Variants in NEB observed in about 807,000 individuals in gnomAD.
NEB encodes the protein nebulin.
Under a neutral mutation model 952.2 loss-of-function variants are expected in NEB, and 512 were observed. The ratio of observed to expected loss-of-function variants is 0.54; its 90% CI spans 0.50 to 0.58. NEB has a LOEUF of 0.58. Ranked by LOEUF, NEB falls within the 20% of genes least tolerant of loss-of-function variation. The probability of loss-of-function intolerance (pLI) is 0.00; values close to 1 mark genes in which losing one functional copy is unlikely to be tolerated. For missense variants in NEB, 8,428 were observed against 9,231.1 expected, an observed-to-expected ratio of 0.91 and a Z score of 3.56; for synonymous variants, 2,900 against 3,149.8, an observed-to-expected ratio of 0.92 and a Z score of 2.66.
rs140461027 is a variant in NEB at position 151,521,353 on chromosome 2, A to G, written c.22480-1585T>C. Among the ~76,000 whole-genome samples, 525 of 152,328 alleles carry G rather than the reference A, an allele frequency of 3.4e-3. 3 individuals carry two copies. The highest frequency in any genetic ancestry group is 0.027 in the Middle Eastern group (8 of 294). ...ACTGAGACACACAAAGTAAAGGAAA[A>G]AGAAACGTAAACAAATGCTACAATG... On this transcript the variant is annotated intron_variant, in intron 153 of 181. Transcript: ENST00000397345.
intron 145 of NEB, among the ~76,000 whole-genome samples, chr2:151,530,415 G>A (rs185565516): frequency 3.3e-5 from 5 of 152,176 alleles, no homozygotes; most frequent in South Asian, 2.1e-4. Context: ...TTCATTAATC[G>A]TTGGGGAAGG....
intron 57 of NEB, 36 bp downstream of exon 57, chr2:151,643,779 CATA>C (rs1472390993): frequency 4.4e-6 from 7 of 1,596,782 alleles, no homozygotes; most frequent in Non-Finnish European, 6.0e-6. Flanking sequence ...AAAAAGCAGA[CATA>C]ATGTTTTGTT....
At chr2:151,504,448 C>T (rs1387753819) in intron 165 of NEB, among the ~76,000 whole-genome samples, 1 of 152,202 alleles carries the variant, frequency 6.6e-6, no homozygotes, top group East Asian at 1.9e-4. Flanking sequence ...CTAGCTTTCT[C>T]AACTCTTATT....
chr2:151,490,263 A>G, intron 180 of NEB, 109 bp downstream of exon 180: 1 of 1,377,322 alleles, frequency 7.3e-7, no homozygotes, highest in Non-Finnish European at 9.8e-7. Flanking sequence ...TCATTAAAGG[A>G]AAGGATGAAA....
intron 136 of NEB, 44 bp from the exon 137 acceptor site, chr2:151,540,845 T>C: frequency 6.8e-7 from 1 of 1,480,856 alleles, no homozygotes; most frequent in Non-Finnish European, 9.4e-7. Context: ...ATAAAGCATT[T>C]AGTATTTAGC....
intron 52 of NEB, among the ~76,000 whole-genome samples, chr2:151,652,295 G>A (rs1345850293): frequency 1.3e-5 from 2 of 152,020 alleles, no homozygotes; most frequent in African/African-American, 4.8e-5. Flanking sequence ...GTGCGATCAT[G>A]GCTCACTAAA....
At position 151,650,648 on chromosome 2, in the gene NEB, G is replaced by A. The variant is rs761500201; in HGVS notation, c.7153C>T (p.Leu2385=). 1 of 1,613,294 alleles carries A rather than the reference G, an allele frequency of 6.2e-7. No individual in the cohort carries two copies. The highest frequency in any genetic ancestry group is 2.2e-5 in the East Asian group (1 of 44,868). ...LVSDVDYKNY[L]HQWTCLPDQN... is the part of the protein sequence containing the mutation. ...TCAGGCAGACATGTCCACTGATGCA[G>A]GTAGTTCTTGTAGTCCACGTCACTA... is the stretch of plus-strand genomic sequence containing the variant. The change falls in exon 53 of 182, where the codon CTG becomes TTG. Residue 2385 remains leucine, a synonymous_variant. Transcript: ENST00000397345.
chr2:151,689,293 C>T (rs1472530168), intron 24 of NEB: 3 of 149,306 alleles, frequency 2.0e-5, no homozygotes, highest in Non-Finnish European at 3.0e-5. Context: ...CAACCTCCGC[C>T]TCCCAGGCTC....
At chr2:151,573,666 ATAT>A (rs2096725108) in intron 107 of NEB, among the ~76,000 whole-genome samples, 1 of 152,196 alleles carries the variant, frequency 6.6e-6, no homozygotes, top group African/African-American at 2.4e-5. Flanking sequence ...TCACAAAGAC[ATAT>A]TATTCTTTTG....
chr2:151,619,509 C>A lies in NEB; in HGVS notation c.10814G>T (p.Cys3605Phe). The change falls in exon 73 of 182, where the codon TGC becomes TTC. Residue 3605 changes from cysteine (C) to phenylalanine (F), a missense_variant. Physicochemically the swap from Cys to Phe is radical, Grantham distance 205. Transcript: ENST00000397345. ...AATGATGTCATTCTGGTCGGGCAGG[C>A]AGATCCATTCATGCAGAGGATGTTT... is the stretch of plus-strand genomic sequence containing the variant. ...DYKHPLHEWICLPDQNDIIHA... is the reference protein window; with the variant it reads ...DYKHPLHEWIFLPDQNDIIHA... The A allele has an allele frequency of 6.2e-7, 1 of 1,613,566 alleles. No homozygotes were observed. The highest frequency in any genetic ancestry group is 1.3e-5 in the African/African-American group (1 of 75,032).
chr2:151,636,452 G>C, intron 63 of NEB, 118 bp from the exon 64 acceptor site: 1 of 811,722 alleles, frequency 1.2e-6, no homozygotes. Flanking sequence ...TCTTTTGAGA[G>C]TTCTAAGCCT....
At chr2:151,529,524 T>C (rs1034976936) in intron 145 of NEB, among the ~76,000 whole-genome samples, 3 of 149,520 alleles carry the variant, frequency 2.0e-5, no homozygotes, top group African/African-American at 7.3e-5. Flanking sequence ...GTCATCAGTG[T>C]TGCCATATAA....
chr2:151,655,962 G>C lies in NEB; in HGVS notation c.6557C>G (p.Ser2186Cys), dbSNP rs1160029880. The C allele has an allele frequency of 3.1e-6, 5 of 1,613,724 alleles. No homozygotes were observed. Among genetic ancestry groups the C allele is most frequent in the Non-Finnish European group, 3.4e-6 (4 of 1,179,758 alleles). The change falls in exon 50 of 182, where the codon TCT (serine) becomes TGT (cysteine). Residue 2186 changes from serine (S) to cysteine (C), a missense_variant. By Grantham distance (112) the Ser-to-Cys change is moderately radical. Coordinates refer to ENST00000397345, the MANE Select transcript of NEB (RefSeq NM_001164508.2). The part of the protein sequence containing the change: ...YKGLGWSPAG[S>C]LEVEKAKKAT... Reference sequence around the variant, plus strand: ...TTTCTTGGCCTTCTCCACTTCCAGAGAACCTGCTGGACTCCAGCCAAGCCC... The same window carrying C: ...TTTCTTGGCCTTCTCCACTTCCAGACAACCTGCTGGACTCCAGCCAAGCCC...
chr2:151,503,518 T>G, intron 165 of NEB, 77 bp from the exon 166 acceptor site: 1 of 943,410 alleles, frequency 1.1e-6, no homozygotes, highest in South Asian at 1.4e-5. Context: ...TGTGGGCTAT[T>G]TGGGGGAAAC....
Position 151,666,338 on chromosome 2 carries a change from C to A in NEB, c.4783G>T (p.Asp1595Tyr). 6.2e-7 allele frequency: 1 copy of A among 1,613,844 alleles called. No homozygotes were observed. Among genetic ancestry groups the A allele is most frequent in the Non-Finnish European group, 8.5e-7 (1 of 1,179,836 alleles). The change falls in exon 41 of 182, where the codon GAT becomes TAT. Residue 1595 changes from aspartate (D) to tyrosine (Y), a missense_variant. By Grantham distance (160) the Asp-to-Tyr change is radical. Around this residue, in one of 11 missense-constraint regions of NEB, gnomAD observed 2,851 missense variants for 2,791.5 expected, o/e 1.02. Transcript: ENST00000397345. ...ATGTAGTGAACCAGTTTAGGATCAT[C>A]CTGAAGACTGAGAAATCCAACTTGC... ...GKQVGFLSLQ[D>Y]DPKLVHYMNV...
rs1364870025 is a variant in NEB, at chr2:151,650,650, T to C, written c.7151A>G (p.Tyr2384Cys). Reference sequence around the variant, plus strand: ...AGGCAGACATGTCCACTGATGCAGGTAGTTCTTGTAGTCCACGTCACTAAC... The same window carrying C: ...AGGCAGACATGTCCACTGATGCAGGCAGTTCTTGTAGTCCACGTCACTAAC... ...ELVSDVDYKN[Y>C]LHQWTCLPDQ... The change falls in exon 53 of 182, where the codon TAC becomes TGC. Residue 2384 changes from tyrosine (Y) to cysteine (C), a missense_variant. Tyr to Cys is a radical substitution (Grantham distance 194). Coordinates refer to ENST00000397345, the MANE Select transcript of NEB (RefSeq NM_001164508.2). The C allele has an allele frequency of 6.2e-7, 1 of 1,613,340 alleles. No homozygotes were observed. Among genetic ancestry groups the C allele is most frequent in the South Asian group, 1.1e-5 (1 of 90,962 alleles).
At chr2:151,631,468 T>C in intron 65 of NEB, 122 bp from the exon 66 acceptor site, 1 of 1,070,922 alleles carries the variant, frequency 9.3e-7, no homozygotes, top group Non-Finnish European at 1.3e-6. Flanking sequence ...AAGCGCGTTG[T>C]ATAAGGCAAA....
intron 24 of NEB, among the ~76,000 whole-genome samples, chr2:151,688,601 TTTTCA>T (rs2099521200): frequency 6.6e-6 from 1 of 152,208 alleles, no homozygotes; most frequent in Non-Finnish European, 1.5e-5. Flanking sequence ...TGGGGGATAC[TTTTCA>T]AGACCCCCAG....
chr2:151,670,925 T>C (rs2154190019), intron 38 of NEB, 98 bp downstream of exon 38: 1 of 1,267,054 alleles, frequency 7.9e-7, no homozygotes, highest in Non-Finnish European at 1.1e-6. Context: ...TTTGCTAACA[T>C]AGATGCATCC....
Sources: allele counts gnomAD v4.1 joint callset (sites outside exome capture counted in the v4.1 genomes callset), GRCh38; gene constraint gnomAD v4.1.1; regional missense constraint gnomAD v4.1.1; transcripts MANE v1.5; gene names NCBI Gene and HGNC (gene_info 2026-07-23, HGNC 2026-07-21).